The following CCL26 variants were observed in gnomAD, a reference collection of about 807,000 sequenced individuals.
CCL26 encodes C-C motif chemokine 26.
CCL26 carries 10 observed loss-of-function variants against 10.7 expected under a neutral mutation model. The observed-to-expected ratio is 0.93, with a 90% CI of 0.57 to 1.58. CCL26 has a LOEUF of 1.58. CCL26 is among the 40% of genes most tolerant of loss of function. The probability of loss-of-function intolerance (pLI) is 0.00; values close to 1 mark genes in which losing one functional copy is unlikely to be tolerated. For missense variants in CCL26, 116 were observed against 111.0 expected (o/e 1.05, Z -0.20); for synonymous variants, 43 against 41.4 (o/e 1.04, Z -0.15).
At chr7:75,776,934 C>T (rs1362714215), upstream of CCL26, among the ~76,000 whole-genome samples, 2 of 152,056 alleles carry the variant, frequency 1.3e-5, no homozygotes, top group African/African-American at 4.8e-5. Flanking sequence ...ATGTACCCGT[C>T]AGAAACGTGT....
intron 2 of CCL26, among the ~76,000 whole-genome samples, chr7:75,770,290 G>A (rs1023846690): frequency 3.9e-5 from 6 of 152,044 alleles, no homozygotes; most frequent in African/African-American, 7.2e-5. Context: ...GGGTGGTCTC[G>A]AACTCCTGAC....
At chr7:75,773,338 C>T (rs181229131), upstream of CCL26, among the ~76,000 whole-genome samples, 925 of 151,860 alleles carry the variant, frequency 6.1e-3, 9 homozygotes, top group Non-Finnish European at 6.4e-3. Flanking sequence ...GCAGGAGAAT[C>T]GCTTGAATGC....
At chr7:75,790,207 CTT>C (rs1432258195), upstream of CCL26, among the ~76,000 whole-genome samples, 1 of 117,628 alleles carries the variant, frequency 8.5e-6, no homozygotes, top group East Asian at 2.3e-4. Context: ...TTCTTTCTTT[CTT>C]TCTTTCTTTC....
At chr7:75,775,779 G>A (rs1468575746), upstream of CCL26, among the ~76,000 whole-genome samples, 1 of 152,120 alleles carries the variant, frequency 6.6e-6, no homozygotes, top group East Asian at 1.9e-4. Context: ...GACAGTATCC[G>A]CTGAAGCCAT....
At position 75,772,188 on chromosome 7, in the gene CCL26, T is replaced by A; in HGVS notation, c.-12A>T. The A allele has an allele frequency of 6.5e-7, 1 of 1,547,748 alleles. No individual in the cohort carries two copies. Among genetic ancestry groups the A allele is most frequent in the Non-Finnish European group, 8.7e-7 (1 of 1,144,768 alleles). On this transcript the variant is annotated 5_prime_UTR_variant, in exon 1 of 3. Coordinates refer to ENST00000005180, the MANE Select transcript of CCL26 (RefSeq NM_001371938.1). ...GAGAGGCCCATCATGATGCTGCAAA[T>A]CAGGCCCTTCTCAGGTTTCTCCCAA... is the stretch of plus-strand genomic sequence containing the variant.
At chr7:75,772,684 CA>C (rs1209452591), upstream of CCL26, among the ~76,000 whole-genome samples, 4 of 146,284 alleles carry the variant, frequency 2.7e-5, no homozygotes, top group South Asian at 2.2e-4. Context: ...AAACAAACAA[CA>C]AAAAAAAACA....
At chr7:75,774,602 T>C (rs557241294), upstream of CCL26, among the ~76,000 whole-genome samples, 2 of 151,896 alleles carry the variant, frequency 1.3e-5, no homozygotes, top group Non-Finnish European at 2.9e-5. Flanking sequence ...TGCACCACCA[T>C]GCCCGGGTAA....
intron 1 of CCL26, among the ~76,000 whole-genome samples, chr7:75,789,402 A>C (rs1803273000): frequency 6.6e-6 from 1 of 150,662 alleles, no homozygotes; most frequent in African/African-American, 2.4e-5. Flanking sequence ...TGAGATGAGA[A>C]TATTTCTCTC....
intron 2 of CCL26, among the ~76,000 whole-genome samples, chr7:75,770,778 C>T (rs997517558): frequency 6.6e-6 from 1 of 151,026 alleles, no homozygotes; most frequent in Non-Finnish European, 1.5e-5. Flanking sequence ...CGGGTTCAAG[C>T]GATTCTCCTG....
intron 1 of CCL26, among the ~76,000 whole-genome samples, chr7:75,787,086 C>T (rs782463873): frequency 9.9e-5 from 15 of 152,184 alleles, no homozygotes; most frequent in Non-Finnish European, 4.4e-5. Context: ...TAAAATACCT[C>T]TTGGTCTGGG....
intron 1 of CCL26, among the ~76,000 whole-genome samples, chr7:75,789,070 C>T (rs1554530391): frequency 6.6e-6 from 1 of 150,748 alleles, no homozygotes; most frequent in Non-Finnish European, 1.5e-5. Flanking sequence ...TACAGGTGCG[C>T]ACCACCGTGC....
intron 1 of CCL26, among the ~76,000 whole-genome samples, chr7:75,784,240 C>T (rs1803131585): frequency 6.6e-6 from 1 of 152,220 alleles, no homozygotes; most frequent in South Asian, 2.1e-4. Context: ...GGAATGCCCA[C>T]AGCCCAGGAT....
intron 1 of CCL26, among the ~76,000 whole-genome samples, chr7:75,788,779 TG>T (rs1352774368): frequency 6.6e-6 from 1 of 151,478 alleles, no homozygotes; most frequent in African/African-American, 2.4e-5. Context: ...GGTCACCCTT[TG>T]GGGCAACTGA....
chr7:75,790,157 C>CCCTTCCTTCCTTCCTT (rs1554530598), upstream of CCL26, among the ~76,000 whole-genome samples: 14 of 65,882 alleles, frequency 2.1e-4, no homozygotes, highest in Middle Eastern at 8.5e-3. Context: ...CTGTCTCTCT[C>CCCTTCCTTCCTTCCTT]CCTTCCTTCC....
upstream of CCL26, among the ~76,000 whole-genome samples, chr7:75,791,260 C>T (rs1325278539): frequency 1.3e-5 from 2 of 152,012 alleles, no homozygotes; most frequent in Non-Finnish European, 2.9e-5. Flanking sequence ...CTCCTGGCCT[C>T]GTGATCCACC....
At chr7:75,770,016 A>G (rs1180259138) in intron 2 of CCL26, among the ~76,000 whole-genome samples, 1 of 149,820 alleles carries the variant, frequency 6.7e-6, no homozygotes, top group Non-Finnish European at 1.5e-5. Context: ...GGTACCATTT[A>G]CCGTTTTCCA....
chr7:75,774,776 A>G (rs1204087620), upstream of CCL26, among the ~76,000 whole-genome samples: 2 of 151,774 alleles, frequency 1.3e-5, no homozygotes, highest in African/African-American at 4.8e-5. Context: ...AAATTAACTG[A>G]GTATGGTGGC....
upstream of CCL26, among the ~76,000 whole-genome samples, chr7:75,773,290 G>A (rs1345916841): frequency 6.6e-6 from 1 of 152,006 alleles, no homozygotes; most frequent in Non-Finnish European, 1.5e-5. Context: ...CAGGCACGGT[G>A]GCGGGCACCT....
intron 1 of CCL26, among the ~76,000 whole-genome samples, chr7:75,781,215 A>G (rs969976944): frequency 6.6e-5 from 10 of 152,130 alleles, no homozygotes; most frequent in Non-Finnish European, 1.2e-4. Flanking sequence ...TGGCCCTCAA[A>G]CCCCACGACA....
Sources: allele counts gnomAD v4.1 joint callset (sites outside exome capture counted in the v4.1 genomes callset), GRCh38; gene constraint gnomAD v4.1.1; transcripts MANE v1.5; gene names NCBI Gene and HGNC (gene_info 2026-07-23, HGNC 2026-07-21).